Variants in LRRC4C observed in about 807,000 individuals in gnomAD.
The protein encoded by LRRC4C is leucine rich repeat containing 4C, also known as leucine-rich repeat-containing protein 4C.
LRRC4C carries 5 observed loss-of-function variants against 33.6 expected under a neutral mutation model. The ratio of observed to expected loss-of-function variants is 0.15; its 90% CI spans 0.08 to 0.31. The LOEUF is 0.31. Ranked by LOEUF, LRRC4C falls within the 10% of genes least tolerant of loss-of-function variation. The pLI, the probability that LRRC4C is intolerant of heterozygous loss-of-function variation, is 1.00. For synonymous variants in LRRC4C, 329 were observed against 302.0 expected (o/e 1.09, Z -0.93); for missense variants, 560 against 796.7 (o/e 0.70, Z 3.58).
intron 1 of LRRC4C, among the ~76,000 whole-genome samples, chr11:41,231,820 C>T (rs1319279998): frequency 1.3e-5 from 2 of 151,516 alleles, no homozygotes; most frequent in Non-Finnish European, 2.9e-5. Flanking sequence ...TGTAGATATA[C>T]ACATATATGT....
chr11:40,666,734 C>G (rs542998026), intron 2 of LRRC4C, among the ~76,000 whole-genome samples: 1 of 152,114 alleles, frequency 6.6e-6, no homozygotes, highest in South Asian at 2.1e-4. Flanking sequence ...CTTAAATTAA[C>G]AGGAGAAAAG....
At chr11:40,918,966 A>T (rs1263118495) in intron 2 of LRRC4C, among the ~76,000 whole-genome samples, 1 of 152,170 alleles carries the variant, frequency 6.6e-6, no homozygotes, top group Non-Finnish European at 1.5e-5. Context: ...AAGTGATTGT[A>T]TTTTACCATG....
chr11:40,613,557 A>T (rs1961451157), intron 3 of LRRC4C, among the ~76,000 whole-genome samples: 1 of 151,822 alleles, frequency 6.6e-6, no homozygotes, highest in African/African-American at 2.4e-5. Flanking sequence ...GTCATCCATG[A>T]GAGCTGGAAA....
intron 5 of LRRC4C, among the ~76,000 whole-genome samples, chr11:40,229,853 C>T (rs1440015564): frequency 6.6e-6 from 1 of 152,172 alleles, no homozygotes; most frequent in Non-Finnish European, 1.5e-5. Context: ...ATAAATGACT[C>T]TTCAAAGACT....
At chr11:41,138,109 A>G (rs1943344621) in intron 1 of LRRC4C, among the ~76,000 whole-genome samples, 1 of 152,188 alleles carries the variant, frequency 6.6e-6, no homozygotes, top group African/African-American at 2.4e-5. Flanking sequence ...TCACTGTTGC[A>G]TATTTTGTGA....
In LRRC4C at chr11:40,360,902, G is replaced by A. The variant is rs557914244; in HGVS notation, c.-269-41181C>T. On this transcript the variant is annotated intron_variant, in intron 3 of 6. Transcript: ENST00000528697. Reference sequence around the variant, plus strand: ...ACCACATCAAAAATTTATTAACCATGATAAAATAGGCTTCATCCTCAGATG... The same window carrying A: ...ACCACATCAAAAATTTATTAACCATAATAAAATAGGCTTCATCCTCAGATG... 1.1e-4 allele frequency among the ~76,000 whole-genome samples: 16 copies of A among 152,174 alleles called. No homozygotes were observed. The South Asian group carries it at 3.1e-3, about 30-fold the overall frequency.
chr11:40,177,214 A>G (rs1400810491), intron 5 of LRRC4C, among the ~76,000 whole-genome samples: 2 of 151,584 alleles, frequency 1.3e-5, no homozygotes, highest in African/African-American at 4.9e-5. Flanking sequence ...CGGCCTCCCA[A>G]AGTGCTGGGA....
intron 4 of LRRC4C, among the ~76,000 whole-genome samples, chr11:40,312,415 TG>T (rs1353902645): frequency 6.6e-6 from 1 of 152,192 alleles, no homozygotes; most frequent in Non-Finnish European, 1.5e-5. Flanking sequence ...AACAGTGCTG[TG>T]AGATAATTCA....
intron 2 of LRRC4C, among the ~76,000 whole-genome samples, chr11:40,698,122 A>G (rs1053595380): frequency 6.6e-6 from 1 of 151,778 alleles, no homozygotes; most frequent in South Asian, 2.1e-4. Context: ...ATCTTTACCC[A>G]TATGTGGTTA....
intron 3 of LRRC4C, among the ~76,000 whole-genome samples, chr11:40,620,056 C>T (rs1962295083): frequency 1.7e-5 from 1 of 59,746 alleles, no homozygotes; most frequent in Non-Finnish European, 3.4e-5. Flanking sequence ...GAAAAAATAC[C>T]TGAAAAAAAA....
intron 3 of LRRC4C, among the ~76,000 whole-genome samples, chr11:40,394,372 C>T (rs1332867321): frequency 1.3e-5 from 2 of 152,100 alleles, no homozygotes; most frequent in Non-Finnish European, 2.9e-5. Context: ...GAATTATCTT[C>T]AAGGGGCTAG....
At chr11:40,826,112 G>A (rs1952159298) in intron 2 of LRRC4C, among the ~76,000 whole-genome samples, 1 of 151,838 alleles carries the variant, frequency 6.6e-6, no homozygotes, top group Non-Finnish European at 1.5e-5. Context: ...CTTCCACATA[G>A]AACTAACTGC....
chr11:41,410,515 A>G (rs1591457054), intron 1 of LRRC4C, among the ~76,000 whole-genome samples: 1 of 149,320 alleles, frequency 6.7e-6, no homozygotes, highest in African/African-American at 2.5e-5. Context: ...ATCTCAGCTC[A>G]CTGCAAGCTC....
At chr11:40,389,843 G>A (rs1308473904) in intron 3 of LRRC4C, among the ~76,000 whole-genome samples, 2 of 152,144 alleles carry the variant, frequency 1.3e-5, no homozygotes, top group African/African-American at 4.8e-5. Flanking sequence ...AGGAAGATAA[G>A]TCACCAAACA....
At chr11:40,597,776 C>G (rs1246020364) in intron 3 of LRRC4C, among the ~76,000 whole-genome samples, 2 of 152,170 alleles carry the variant, frequency 1.3e-5, no homozygotes, top group African/African-American at 2.4e-5. Context: ...GCTGACTGCA[C>G]TTGAACACGT....
chr11:40,722,300 TAGAG>T (rs888900725), intron 2 of LRRC4C, among the ~76,000 whole-genome samples: 1 of 152,176 alleles, frequency 6.6e-6, no homozygotes, highest in Admixed American at 6.5e-5. Flanking sequence ...CTCTCCTCCC[TAGAG>T]AGAGCACGGC....
chr11:41,370,990 C>G (rs1467283467), intron 1 of LRRC4C, among the ~76,000 whole-genome samples: 1 of 152,150 alleles, frequency 6.6e-6, no homozygotes, highest in African/African-American at 2.4e-5. Context: ...GTTCTTGACC[C>G]TGCTGGACCT....
At position 41,279,423 on chromosome 11, in the gene LRRC4C, CA is replaced by C. The variant is rs1565542362; in HGVS notation, c.-496+180007del. Among the ~76,000 whole-genome samples, 47 of 142,214 alleles carry C rather than the reference CA, an allele frequency of 3.3e-4. No homozygotes were observed. The East Asian group carries it at 3.4e-3, about 10-fold the overall frequency. The allele number at this position is 142,214 out of a possible 152,430, so 93.3% of individuals were successfully genotyped here. A position where few individuals can be genotyped will look rare whatever the true frequency, so the allele number is the denominator to read the frequency against. The stretch of plus-strand genomic sequence containing the variant: ...ACACACACACACACACACACACACA[CA>C]CACACCGTGGCAATCACTGCCTGCA... On this transcript the variant is annotated intron_variant, in intron 1 of 6. Transcript: ENST00000528697.
chr11:40,998,065 T>C (rs355252), intron 1 of LRRC4C, among the ~76,000 whole-genome samples: 89,304 of 151,818 alleles, frequency 0.59, 26,471 homozygotes, highest in South Asian at 0.67. Context: ...TGATAAAGTA[T>C]ACTGCAGAAA....
Sources: allele counts gnomAD v4.1 joint callset (sites outside exome capture counted in the v4.1 genomes callset), GRCh38; gene constraint gnomAD v4.1.1; transcripts MANE v1.5; gene names NCBI Gene and HGNC (gene_info 2026-07-23, HGNC 2026-07-21).